Variants in ADAMTS3 observed in about 807,000 individuals in gnomAD.
ADAMTS3 encodes the protein A disintegrin and metalloproteinase with thrombospondin motifs 3.
In ADAMTS3, 73 loss-of-function variants were observed where a neutral mutation model predicts 129.0. The ratio of observed to expected loss-of-function variants is 0.57; its 90% CI spans 0.47 to 0.69. The LOEUF (loss-of-function observed/expected upper bound fraction) is 0.69. Among genes scored for constraint, ADAMTS3 ranks in the 30% least tolerant of loss-of-function variants. ADAMTS3 has a pLI of 0.00. For synonymous variants in ADAMTS3, 477 were observed against 510.8 expected, an observed-to-expected ratio of 0.93 and a Z score of 0.89; for missense variants, 1,457 against 1,514.5, an observed-to-expected ratio of 0.96 and a Z score of 0.63.
chr4:72,533,673 A>ATATGTATATATACATATATATC (rs1164175826), intron 3 of ADAMTS3, among the ~76,000 whole-genome samples: 4 of 151,474 alleles, frequency 2.6e-5, no homozygotes, highest in Admixed American at 6.6e-5. Context: ...GTATATGCAC[A>ATATGTATATATACATATATATC]TATATGCACA....
chr4:72,450,493 T>G (rs1477884463), intron 3 of ADAMTS3, among the ~76,000 whole-genome samples: 2 of 151,732 alleles, frequency 1.3e-5, no homozygotes, highest in African/African-American at 2.4e-5. Context: ...ATTCCCAAAT[T>G]ATCATTCTTT....
At chr4:72,288,300 A>T (rs975703358) in intron 21 of ADAMTS3, among the ~76,000 whole-genome samples, 1 of 152,220 alleles carries the variant, frequency 6.6e-6, no homozygotes, top group African/African-American at 2.4e-5. Context: ...AAGTTACTCT[A>T]TGGACAGACA....
At chr4:72,438,404 C>T (rs192888300) in intron 3 of ADAMTS3, among the ~76,000 whole-genome samples, 61 of 151,656 alleles carry the variant, frequency 4.0e-4, no homozygotes, top group African/African-American at 1.4e-3. Flanking sequence ...CCTTTTAAAA[C>T]AAAAATAATT....
intron 3 of ADAMTS3, among the ~76,000 whole-genome samples, chr4:72,534,052 G>A (rs908246349): frequency 1.7e-4 from 26 of 152,124 alleles, no homozygotes; most frequent in African/African-American, 6.3e-4. Flanking sequence ...CCCCGGCTGG[G>A]TGCAGGGGCT....
At chr4:72,486,563 G>A (rs954266438) in intron 3 of ADAMTS3, among the ~76,000 whole-genome samples, 1 of 152,138 alleles carries the variant, frequency 6.6e-6, no homozygotes, top group African/African-American at 2.4e-5. Flanking sequence ...TCTATTTTTA[G>A]AGTGCTTGAA....
At chr4:72,371,111 A>G (rs1390681597) in intron 4 of ADAMTS3, among the ~76,000 whole-genome samples, 1 of 152,088 alleles carries the variant, frequency 6.6e-6, no homozygotes, top group East Asian at 1.9e-4. Flanking sequence ...GAGCTAGGGG[A>G]GACATCAGCA....
At chr4:72,318,284 A>G (rs1480542515) in intron 10 of ADAMTS3, among the ~76,000 whole-genome samples, 1 of 152,208 alleles carries the variant, frequency 6.6e-6, no homozygotes, top group African/African-American at 2.4e-5. Context: ...TTCAAAGTCC[A>G]GTTCCCCTGT....
intron 3 of ADAMTS3, among the ~76,000 whole-genome samples, chr4:72,473,006 C>T (rs7663978): frequency 0.97 from 148,137 of 152,240 alleles, 72,221 homozygotes; most frequent in East Asian, 1. Context: ...AACTTGGAAC[C>T]CCATTACAAA....
In ADAMTS3 at chr4:72,312,178, C is replaced by T. The variant is rs531392915; in HGVS notation, c.1921+113G>A. Reference sequence around the variant, plus strand: ...CAGGAGAACTTACTCCTATAAGCACCAAGTTTCCTAAGTTACCACATAGGG... The same window carrying T: ...CAGGAGAACTTACTCCTATAAGCACTAAGTTTCCTAAGTTACCACATAGGG... On this transcript the variant is annotated intron_variant, in intron 13 of 21. Transcript: ENST00000286657. 11 of 1,180,598 alleles carry T rather than the reference C, an allele frequency of 9.3e-6. No homozygotes were observed. In the East Asian group the frequency reaches 2.6e-4, roughly 28 times the overall value. The allele number at this position is 1,180,598 out of a possible 1,614,324, so 73.1% of individuals were successfully genotyped here.
At position 72,523,409 on chromosome 4, in the gene ADAMTS3, C is replaced by T. The variant is rs529508021; in HGVS notation, c.504+25069G>A. On this transcript the variant is annotated intron_variant, in intron 3 of 21. Coordinates refer to ENST00000286657, the MANE Select transcript of ADAMTS3 (RefSeq NM_014243.3). ...CTATCCTATATATTTGATGGGCATT[C>T]TATTTTCCAGTGTTATGAAAACAAC... is the stretch of plus-strand genomic sequence containing the variant. Among the ~76,000 whole-genome samples the T allele has an allele frequency of 4.6e-5, 7 of 152,098 alleles. No individual in the cohort carries two copies. The South Asian group carries it at 1.4e-3, about 32-fold the overall frequency.
In ADAMTS3 at chr4:72,304,692, T is replaced by A. The variant is rs535468380; in HGVS notation, c.2261-612A>T. On this transcript the variant is annotated intron_variant, in intron 16 of 21. Transcript: ENST00000286657. ...ATTTATTACATATTATACAATGAAA[T>A]AAAATGCTGGCTTAATGAGTAAAAA... 9.4e-4 allele frequency among the ~76,000 whole-genome samples: 143 copies of A among 152,178 alleles called. 1 individual carries two copies. Among genetic ancestry groups the A allele is most frequent in the African/African-American group, 3.3e-3 (137 of 41,564 alleles).
chr4:72,305,968 A>C lies in ADAMTS3; in HGVS notation c.2260+19T>G. Reference sequence around the variant, plus strand: ...TTTCAGTGCATGTTAAAGCAGAGACAGCAGACAGAAACACTTACCAAGAAT... The same window carrying C: ...TTTCAGTGCATGTTAAAGCAGAGACCGCAGACAGAAACACTTACCAAGAAT... On this transcript the variant is annotated intron_variant, in intron 16 of 21. Transcript: ENST00000286657. 1 of 1,599,258 alleles carries C rather than the reference A, an allele frequency of 6.3e-7. No homozygotes were observed. The highest frequency in any genetic ancestry group is 1.7e-4 in the Middle Eastern group (1 of 6,020).
chr4:72,337,426 C>A (rs1720019178), intron 5 of ADAMTS3, among the ~76,000 whole-genome samples: 1 of 151,982 alleles, frequency 6.6e-6, no homozygotes, highest in Non-Finnish European at 1.5e-5. Context: ...CATAGAAGTC[C>A]TTTACATTTT....
intron 2 of ADAMTS3, among the ~76,000 whole-genome samples, chr4:72,558,986 C>A (rs1303173312): frequency 2.0e-5 from 3 of 151,732 alleles, no homozygotes; most frequent in Non-Finnish European, 2.9e-5. Context: ...ATGACAGCAA[C>A]AGTCTTTGCC....
chr4:72,297,104 AC>A (rs1718829865), intron 18 of ADAMTS3, among the ~76,000 whole-genome samples: 1 of 152,230 alleles, frequency 6.6e-6, no homozygotes, highest in East Asian at 1.9e-4. Flanking sequence ...ATATAATTTT[AC>A]CATTCATTCA....
chr4:72,339,304 T>G (rs114333227), intron 5 of ADAMTS3, among the ~76,000 whole-genome samples, 190 bp downstream of exon 5: 2,683 of 152,336 alleles, frequency 0.018, 83 homozygotes, highest in African/African-American at 0.061. Flanking sequence ...AAAGAAACTT[T>G]CGCTTCATGC....
In ADAMTS3 at chr4:72,319,952, C is replaced by T. The variant is rs1350511254; in HGVS notation, c.1114G>A (p.Val372Ile). The change falls in exon 8 of 22, where the codon GTC (valine) becomes ATC (isoleucine). Residue 372 changes from valine (V) to isoleucine (I), a missense_variant. By Grantham distance (29) the Val-to-Ile change is conservative. Transcript: ENST00000286657. ...GPAGMQGYAPVTGMCHPVRSC... is the reference protein window; with the variant it reads ...GPAGMQGYAPITGMCHPVRSC... ...CTCACTGGATGACACATGCCGGTGA[C>T]TGGAGCATATCCTGTAGAGAATAAC... 1 of 1,611,926 alleles carries T rather than the reference C, an allele frequency of 6.2e-7. No homozygotes were observed. Among genetic ancestry groups the T allele is most frequent in the East Asian group, 2.2e-5 (1 of 44,786 alleles).
intron 4 of ADAMTS3, among the ~76,000 whole-genome samples, chr4:72,384,995 C>A (rs370891251): frequency 6.6e-6 from 1 of 151,874 alleles, no homozygotes; most frequent in African/African-American, 2.4e-5. Context: ...CCTGAAACCC[C>A]GTCTCTACTA....
chr4:72,322,957 CTTCTA>C, intron 6 of ADAMTS3, 52 bp downstream of exon 6: 1 of 1,341,204 alleles, frequency 7.5e-7, no homozygotes, highest in South Asian at 1.2e-5. Context: ...ACAATTTAGT[CTTCTA>C]TTTGCTAACC....
Sources: gnomAD v4.1 joint callset for allele counts (sites outside exome capture counted in the v4.1 genomes callset) on GRCh38, gnomAD v4.1.1 for gene constraint, MANE v1.5 for transcripts, NCBI Gene and HGNC (gene_info 2026-07-23, HGNC 2026-07-21) for gene names.